MPPED1: variants seen among roughly 807,000 people sequenced by gnomAD.
MPPED1 encodes the protein metallophosphoesterase domain-containing protein 1.
A neutral mutation model predicts 36.2 loss-of-function variants in MPPED1; 16 were observed. The ratio of observed to expected loss-of-function variants is 0.44; its 90% CI spans 0.30 to 0.67. The LOEUF (loss-of-function observed/expected upper bound fraction) is 0.67. Ranked by LOEUF, MPPED1 falls within the 30% of genes least tolerant of loss-of-function variation. The pLI, the probability that MPPED1 is intolerant of heterozygous loss-of-function variation, is 0.10. For synonymous variants in MPPED1, 199 were observed against 191.3 expected, an observed-to-expected ratio of 1.04 and a Z score of -0.33; for missense variants, 307 against 453.4, an observed-to-expected ratio of 0.68 and a Z score of 2.93.
chr22:43,444,081 G>T (rs965322571), intron 3 of MPPED1, among the ~76,000 whole-genome samples: 4 of 152,162 alleles, frequency 2.6e-5, no homozygotes, highest in Non-Finnish European at 4.4e-5. Context: ...GCCATGCTGT[G>T]TTGTAGGGGC....
At chr22:43,423,832 G>A (rs1366566182) in intron 1 of MPPED1, among the ~76,000 whole-genome samples, 2 of 152,224 alleles carry the variant, frequency 1.3e-5, no homozygotes, top group East Asian at 1.9e-4. Context: ...AAAAGGAATC[G>A]TTGGAGGGTC....
At chr22:43,463,834 TC>T (rs1931054394) in intron 3 of MPPED1, among the ~76,000 whole-genome samples, 41 of 144,914 alleles carry the variant, frequency 2.8e-4, no homozygotes, top group South Asian at 4.5e-4. Context: ...TTTCTTTCTT[TC>T]TTTCTTTCTT....
intron 3 of MPPED1, among the ~76,000 whole-genome samples, chr22:43,438,219 A>T (rs777189503): frequency 4.6e-5 from 7 of 152,110 alleles, no homozygotes; most frequent in Non-Finnish European, 1.0e-4. Context: ...CCACCTGGGG[A>T]CGTGTGGTGA....
chr22:43,496,010 G>A (rs867975366), intron 4 of MPPED1, among the ~76,000 whole-genome samples: 2,264 of 69,924 alleles, frequency 0.032, 14 homozygotes, highest in Admixed American at 0.051. Context: ...GGAGATGGTG[G>A]TGGTGGAGGT....
intron 3 of MPPED1, among the ~76,000 whole-genome samples, chr22:43,454,933 A>G (rs914299121): frequency 1.3e-5 from 2 of 152,120 alleles, no homozygotes; most frequent in African/African-American, 2.4e-5. Flanking sequence ...TTCCCTGACC[A>G]TGTACCAGAG....
At chr22:43,500,335 AGGT>A (rs1393967799) in intron 5 of MPPED1, among the ~76,000 whole-genome samples, 4 of 26,992 alleles carry the variant, frequency 1.5e-4, no homozygotes, top group East Asian at 1.6e-3. Flanking sequence ...GTGGTGGTGG[AGGT>A]GGTGGTGGTG....
intron 1 of MPPED1, 70 bp downstream of exon 1, chr22:43,412,228 C>T (rs1164994666): frequency 2.3e-6 from 2 of 882,604 alleles, no homozygotes; most frequent in East Asian, 1.2e-4. Context: ...GGCCGGGACC[C>T]TCTCCAGGCG....
chr22:43,477,486 G>C (rs1433121371), intron 4 of MPPED1, among the ~76,000 whole-genome samples: 1 of 152,216 alleles, frequency 6.6e-6, no homozygotes, highest in Non-Finnish European at 1.5e-5. Context: ...CTGGGAGGCT[G>C]GGTCCCTGCC....
At chr22:43,438,496 G>T (rs1238972318) in intron 3 of MPPED1, among the ~76,000 whole-genome samples, 2 of 151,956 alleles carry the variant, frequency 1.3e-5, no homozygotes, top group African/African-American at 4.8e-5. Context: ...AAGGGCAGGG[G>T]GAGCTTTGGG....
At chr22:43,417,296 C>A (rs1010286301) in intron 1 of MPPED1, among the ~76,000 whole-genome samples, 2 of 152,172 alleles carry the variant, frequency 1.3e-5, no homozygotes, top group African/African-American at 4.8e-5. Flanking sequence ...ATAATACCAG[C>A]TGCTGGCCAG....
intron 4 of MPPED1, among the ~76,000 whole-genome samples, chr22:43,496,404 A>T (rs1189675519): frequency 5.5e-4 from 9 of 16,396 alleles, no homozygotes; most frequent in South Asian, 2.4e-3. Flanking sequence ...GTGGTGGTGG[A>T]GGTGGTGATG....
intron 4 of MPPED1, among the ~76,000 whole-genome samples, chr22:43,497,114 G>T (rs1200383773): frequency 6.6e-6 from 1 of 150,662 alleles, no homozygotes; most frequent in Non-Finnish European, 1.5e-5. Context: ...GGTGATGGAG[G>T]TGGTGATGGA....
intron 4 of MPPED1, among the ~76,000 whole-genome samples, chr22:43,480,270 C>T (rs1931708124): frequency 6.6e-6 from 1 of 152,158 alleles, no homozygotes; most frequent in Non-Finnish European, 1.5e-5. Flanking sequence ...GGGCCTATAA[C>T]TACTGGGGGC....
chr22:43,449,422 A>ACCCCCCCCCCCCCCCCCCCCCCCCCCC (rs135045), intron 3 of MPPED1, among the ~76,000 whole-genome samples: 10 of 127,320 alleles, frequency 7.9e-5, no homozygotes, highest in Non-Finnish European at 1.3e-4. Flanking sequence ...GACAGTGCCA[A>ACCCCCCCCCCCCCCCCCCCCCCCCCCC]CCCCCCCCGC....
chr22:43,427,090 G>C (rs1929503997), intron 2 of MPPED1, among the ~76,000 whole-genome samples: 1 of 152,242 alleles, frequency 6.6e-6, no homozygotes, highest in Admixed American at 6.5e-5. Flanking sequence ...AGTGGGCAAG[G>C]AGAGAGCAGC....
chr22:43,449,490 C>T (rs982348763), intron 3 of MPPED1, among the ~76,000 whole-genome samples: 1 of 140,610 alleles, frequency 7.1e-6, no homozygotes, highest in Non-Finnish European at 1.5e-5. Context: ...ATGCACTCAT[C>T]CCCTTATCCT....
chr22:43,490,620 A>G (rs1932052747), intron 4 of MPPED1, among the ~76,000 whole-genome samples: 1 of 152,206 alleles, frequency 6.6e-6, no homozygotes, highest in Non-Finnish European at 1.5e-5. Context: ...TCGGGAACCA[A>G]CAGACGTGTT....
chr22:43,495,519 T>A (rs868218889), intron 4 of MPPED1, among the ~76,000 whole-genome samples: 26 of 81,344 alleles, frequency 3.2e-4, no homozygotes, highest in Non-Finnish European at 4.8e-4. Flanking sequence ...GTGGTGGTGG[T>A]GGAGGTGGTG....
intron 3 of MPPED1, among the ~76,000 whole-genome samples, chr22:43,452,423 C>A (rs1930603188): frequency 2.0e-5 from 3 of 152,168 alleles, no homozygotes; most frequent in Admixed American, 6.5e-5. Flanking sequence ...CCCACTGCTG[C>A]TCCTCAGCTG....
Sources: allele counts gnomAD v4.1 joint callset (sites outside exome capture counted in the v4.1 genomes callset), GRCh38; gene constraint gnomAD v4.1.1; transcripts MANE v1.5; gene names NCBI Gene and HGNC (gene_info 2026-07-23, HGNC 2026-07-21).